DUOX2: variants seen among roughly 807,000 people sequenced by gnomAD.
DUOX2 encodes the protein NADH/NADPH thyroid oxidase p138-tox.
DUOX2 carries 185 observed loss-of-function variants against 183.3 expected under a neutral mutation model. The observed-to-expected ratio is 1.01, with a 90% CI of 0.90 to 1.14. DUOX2 has a LOEUF of 1.14. DUOX2 is among the 50% of genes most tolerant of loss of function. DUOX2 has a pLI of 0.00. For missense variants in DUOX2, 1,999 were observed against 2,022.9 expected (o/e 0.99, Z 0.23); for synonymous variants, 788 against 812.4 (o/e 0.97, Z 0.51).
At chr15:45,099,564 G>A in intron 25 of DUOX2, 82 bp from the exon 26 acceptor site, 5 of 1,579,412 alleles carry the variant, frequency 3.2e-6, no homozygotes, top group Non-Finnish European at 4.3e-6. Context: ...GGCATAGGGA[G>A]GAGAGATGGA....
intron 21 of DUOX2, chr15:45,101,578 A>C: frequency 1.5e-6 from 1 of 652,902 alleles, no homozygotes; most frequent in Non-Finnish European, 2.7e-6. Flanking sequence ...AGCAGTGTGT[A>C]GGATAGATTT....
At position 45,104,236 on chromosome 15, in the gene DUOX2, T is replaced by C. The variant is rs143972092; in HGVS notation, c.2464A>G (p.Met822Val). Residue 822 changes from methionine to valine, a missense_variant, in exon 19 of 34, where the codon ATG becomes GTG. By Grantham distance (21) the Met-to-Val change is conservative. Transcript: ENST00000389039. ...AESLGLKPQD[M>V]FVESMFSLAD... ...AGAGAGAACATGGACTCCACAAACA[T>C]GTCCTGGGGCTTGAGGCCCAGGGAC... 3.0e-5 allele frequency: 49 copies of C among 1,613,948 alleles called. No homozygotes were observed. In the African/African-American group the frequency reaches 4.9e-4, roughly 16 times the overall value.
rs372977211 is a variant in DUOX2, at chr15:45,104,266, C to A, written c.2434G>T (p.Ala812Ser). Residue 812 changes from alanine to serine, a missense_variant, in exon 19 of 34, where the codon GCC (alanine) becomes TCC (serine). By Grantham distance (99) the Ala-to-Ser change is moderately conservative (BLOSUM62 1). This residue lies in a region of DUOX2 where 1,628 missense variants were observed against 1,608.6 expected (regional missense o/e 1.01). Transcript: ENST00000389039. Reference sequence around the variant, plus strand: ...TGGGGCTTGAGGCCCAGGGACTCGGCAAACTCGGCCCTGCTCAGCTCGCAG... The same window carrying A: ...TGGGGCTTGAGGCCCAGGGACTCGGAAAACTCGGCCCTGCTCAGCTCGCAG... ...LTCELSRAEF[A>S]ESLGLKPQDM... is the part of the protein sequence containing the mutation. 1 of 1,614,136 alleles carries A rather than the reference C, an allele frequency of 6.2e-7. No homozygotes were observed. The highest frequency in any genetic ancestry group is 8.5e-7 in the Non-Finnish European group (1 of 1,180,014).
At position 45,100,828 on chromosome 15, in the gene DUOX2, G is replaced by C. The variant is rs372872023; in HGVS notation, c.2932C>G (p.Gln978Glu). The C allele has an allele frequency of 2.7e-5, 44 of 1,610,822 alleles. No homozygotes were observed. The highest frequency in any genetic ancestry group is 3.5e-5 in the Non-Finnish European group (41 of 1,177,204). Residue 978 changes from glutamine (Q) to glutamate (E), a missense_variant, in exon 23 of 34, where the codon CAG (glutamine) becomes GAG (glutamate). By Grantham distance (29) the Gln-to-Glu change is conservative. Coordinates refer to ENST00000389039, the MANE Select transcript of DUOX2 (RefSeq NM_001363711.2). ...TCTGGGGCAGGGGGCCCCAGTCCCT[G>C]GGGGTGGGAGCTGAGAAAAAGAAAT... The part of the protein sequence containing the change: ...TRTPGERSHP[Q>E]GLGPPAPEAP...
At chr15:45,111,330 G>T (rs1894391625) in intron 6 of DUOX2, 53 bp from the exon 7 acceptor site, 1 of 1,400,350 alleles carries the variant, frequency 7.1e-7, no homozygotes, top group Admixed American at 2.8e-5. Context: ...CGTGATCGGG[G>T]GAGCCCACAC....
chr15:45,099,243 C>A, intron 26 of DUOX2, 140 bp downstream of exon 26: 1 of 674,446 alleles, frequency 1.5e-6, no homozygotes, highest in Non-Finnish European at 2.6e-6. Flanking sequence ...ATCTCCTGAC[C>A]TCGTGATCCG....
At position 45,105,689 on chromosome 15, in the gene DUOX2, T is replaced by C. The variant is rs769658849; in HGVS notation, c.2288A>G (p.Gln763Arg). The change falls in exon 18 of 34, where the codon CAG (glutamine) becomes CGG (arginine). Residue 763 changes from glutamine (Q) to arginine (R), a missense_variant. By Grantham distance (43) the Gln-to-Arg change is conservative (BLOSUM62 1). Around this residue, in one of 3 missense-constraint regions of DUOX2, gnomAD observed 1,628 missense variants for 1,608.6 expected, o/e 1.01. Transcript: ENST00000389039. The part of the protein sequence containing the change: ...ELFRKAVTKQ[Q>R]RERILEIFFR... Reference sequence around the variant, plus strand: ...GAAGATCTCCAGGATGCGTTCCCGCTGCTGCTTTGTCACAGCCTTCCTAAA... The same window carrying C: ...GAAGATCTCCAGGATGCGTTCCCGCCGCTGCTTTGTCACAGCCTTCCTAAA... The C allele has an allele frequency of 1.3e-5, 21 of 1,614,252 alleles. No individual in the cohort carries two copies. Among genetic ancestry groups the C allele is most frequent in the South Asian group, 1.1e-4 (10 of 91,084 alleles).
In DUOX2 at chr15:45,100,762, C is replaced by A; in HGVS notation, c.2998G>T (p.Gly1000Cys). Residue 1000 changes from glycine (G) to cysteine (C), a missense_variant, in exon 23 of 34, where the codon GGC (glycine) becomes TGC (cysteine). This residue lies in a region of DUOX2 where 1,628 missense variants were observed against 1,608.6 expected (regional missense o/e 1.01). Transcript: ENST00000389039. Reference protein sequence around the residue: ...LGGPGLKKRFGKKAAVPTPRL... With the variant: ...LGGPGLKKRFCKKAAVPTPRL... Reference sequence around the variant, plus strand: ...GATTTGGGAGACACTCACTTTTTGCCAAACCTCTTCTTCAGTCCAGGGCCT... The same window carrying A: ...GATTTGGGAGACACTCACTTTTTGCAAAACCTCTTCTTCAGTCCAGGGCCT... 1 of 1,613,996 alleles carries A rather than the reference C, an allele frequency of 6.2e-7. No individual in the cohort carries two copies. Among genetic ancestry groups the A allele is most frequent in the Non-Finnish European group, 8.5e-7 (1 of 1,179,946 alleles).
intron 23 of DUOX2, 130 bp downstream of exon 23, chr15:45,100,621 CTCAG>C: frequency 1.2e-6 from 1 of 843,326 alleles, no homozygotes; most frequent in Non-Finnish European, 2.1e-6. Context: ...ACTGTAACCT[CTCAG>C]TCAGGTCAGG....
chr15:45,108,559 G>C (rs1894293491), intron 12 of DUOX2: 2 of 639,514 alleles, frequency 3.1e-6, no homozygotes, highest in South Asian at 3.9e-5. Flanking sequence ...AAGCCACCCT[G>C]CAGGAATGGT....
Position 45,111,824 on chromosome 15 carries a change from G to A in DUOX2, c.457C>T (p.Gln153Ter). ...DQRGDVVLPF[Q>*]RSRWDPETGR... ...GTCTCGGGGTCCCAGCGGCTCCTCTGGAAGGGCAGCACCACGTCCCCGCGC... is the reference window on the plus strand; with the variant it reads ...GTCTCGGGGTCCCAGCGGCTCCTCTAGAAGGGCAGCACCACGTCCCCGCGC... Residue 153 changes from glutamine to a stop codon, truncating the protein, a stop_gained, in exon 5 of 34, where the codon CAG becomes TAG. Coordinates refer to ENST00000389039, the MANE Select transcript of DUOX2 (RefSeq NM_001363711.2). LOFTEE classifies it high-confidence loss of function. 2.5e-6 allele frequency: 4 copies of A among 1,613,052 alleles called. No individual in the cohort carries two copies. The highest frequency in any genetic ancestry group is 3.4e-6 in the Non-Finnish European group (4 of 1,179,810).
Position 45,110,501 on chromosome 15 carries a change from T to A in DUOX2, c.967A>T (p.Ser323Cys). ...YTGYRPFLDP[S>C]ISPEFVVASE... ...GCCACCACAAATTCCGGGGAGATGC[T>A]GGGGTCTAGGAAAGGACGGTATCCT... Residue 323 changes from serine (S) to cysteine (C), a missense_variant, in exon 9 of 34, where the codon AGC becomes TGC. Ser to Cys is a moderately radical substitution (Grantham distance 112). This residue lies in a region of DUOX2 where 1,628 missense variants were observed against 1,608.6 expected (regional missense o/e 1.01). Transcript: ENST00000389039. 6.2e-7 allele frequency: 1 copy of A among 1,614,058 alleles called. No homozygotes were observed. The highest frequency in any genetic ancestry group is 8.5e-7 in the Non-Finnish European group (1 of 1,179,990).
Position 45,094,859 on chromosome 15 carries a change from C to A in DUOX2, c.4395+77G>T. The A allele has an allele frequency of 3.7e-6, 6 of 1,604,216 alleles. No homozygotes were observed. The Admixed American group carries it at 5.0e-5, about 13-fold the overall frequency. Reference sequence around the variant, plus strand: ...CCAGCTCAGCCTGGCCGTCCACCCACCTGCCCTGGCCATCCTGCCTTACGC... The same window carrying A: ...CCAGCTCAGCCTGGCCGTCCACCCAACTGCCCTGGCCATCCTGCCTTACGC... On this transcript the variant is annotated intron_variant, in intron 32 of 33. Coordinates refer to ENST00000389039, the MANE Select transcript of DUOX2 (RefSeq NM_001363711.2).
Position 45,094,694 on chromosome 15 carries a change from G to A in DUOX2, c.4396-3C>T. ...TGGAAGTGCCGCTCGCAGATGTACT[G>A]GGGGCACAGGGGCAGGTCAGACCAA... On this transcript the variant is annotated splice_polypyrimidine_tract_variant and splice_region_variant and intron_variant, in intron 32 of 33. Transcript: ENST00000389039. 2 of 1,613,938 alleles carry A rather than the reference G, an allele frequency of 1.2e-6. No homozygotes were observed. The highest frequency in any genetic ancestry group is 3.3e-5 in the Admixed American group (2 of 60,010).
chr15:45,104,991 T>C (rs1894176124), intron 18 of DUOX2, among the ~76,000 whole-genome samples: 2 of 152,072 alleles, frequency 1.3e-5, no homozygotes, highest in Non-Finnish European at 2.9e-5. Context: ...CAGCTAATTT[T>C]TGTATTTTTA....
intron 15 of DUOX2, 31 bp from the exon 16 acceptor site, chr15:45,106,672 G>T: frequency 6.2e-7 from 1 of 1,608,876 alleles, no homozygotes; most frequent in Non-Finnish European, 8.5e-7. Context: ...CAGTGAGGAG[G>T]GAGCCCCTCA....
In DUOX2 at chr15:45,100,790, C is replaced by T; in HGVS notation, c.2970G>A (p.Leu990=). ...ACCTCTTCTTCAGTCCAGGGCCTCC[C>T]AGCTCTGGGGCTTCTGGGGCAGGGG... ...LGPPAPEAPE[L]GGPGLKKRFG... Residue 990 remains leucine (L), a synonymous_variant, in exon 23 of 34, where the codon CTG becomes CTA. Coordinates refer to ENST00000389039, the MANE Select transcript of DUOX2 (RefSeq NM_001363711.2). 1 of 1,614,072 alleles carries T rather than the reference C, an allele frequency of 6.2e-7. No individual in the cohort carries two copies. Among genetic ancestry groups the T allele is most frequent in the South Asian group, 1.1e-5 (1 of 91,074 alleles).
At position 45,112,539 on chromosome 15, in the gene DUOX2, C is replaced by T. The variant is rs199536527; in HGVS notation, c.325+15G>A. 1.6e-4 allele frequency: 256 copies of T among 1,611,758 alleles called. 1 individual carries two copies. The African/African-American group carries it at 3.2e-3, about 20-fold the overall frequency. On this transcript the variant is annotated intron_variant, in intron 4 of 33. Coordinates refer to ENST00000389039, the MANE Select transcript of DUOX2 (RefSeq NM_001363711.2). ...GCGCCAGATCAACCCCACTGGTCTC[C>T]CCCTTTGCCCTCACCAAAGAAGACC...
chr15:45,111,411 C>T lies in DUOX2; in HGVS notation c.688G>A (p.Gly230Arg), dbSNP rs768283605. The change falls in exon 6 of 34, where the codon GGG becomes AGG. Residue 230 changes from glycine to arginine, a missense_variant. Coordinates refer to ENST00000389039, the MANE Select transcript of DUOX2 (RefSeq NM_001363711.2). ...TACAGCCCCCGGGGCCCGTTCTGCC[C>T]GGTGGCGGGGTCGGGCGCCGCCCAC... ...LMWAAPDPAT[G>R]QNGPRGLYAF... 17 of 1,488,038 alleles carry T rather than the reference C, an allele frequency of 1.1e-5. No homozygotes were observed. Among genetic ancestry groups the T allele is most frequent in the Admixed American group, 2.3e-5 (1 of 43,948 alleles). 92.2% of individuals were successfully genotyped at this position (1,488,038 alleles called of 1,614,324 possible). A position where few individuals can be genotyped will look rare whatever the true frequency, so the allele number is the denominator to read the frequency against.
Sources: gnomAD v4.1 joint callset for allele counts (sites outside exome capture counted in the v4.1 genomes callset) on GRCh38, gnomAD v4.1.1 for gene constraint, gnomAD v4.1.1 regional missense constraint, MANE v1.5 for transcripts, NCBI Gene and HGNC (gene_info 2026-07-23, HGNC 2026-07-21) for gene names.